Variants in IQCK observed in about 807,000 individuals in gnomAD.
IQCK encodes IQ motif containing K.
In IQCK, 29 loss-of-function variants were observed where a neutral mutation model predicts 28.1. That is an observed-to-expected ratio of 1.03 (90% CI 0.77 to 1.41). The LOEUF (loss-of-function observed/expected upper bound fraction) is 1.41, where lower values mean the gene tolerates loss of function less well. Among genes scored for constraint, IQCK ranks in the 40% most tolerant of loss-of-function variants. The pLI is 0.00. For missense variants in IQCK, 359 were observed against 314.7 expected (o/e 1.14, Z -1.07); for synonymous variants, 113 against 115.1 (o/e 0.98, Z 0.12).
At chr16:19,741,084 C>A (rs1490700096) in intron 4 of IQCK, among the ~76,000 whole-genome samples, 2 of 152,046 alleles carry the variant, frequency 1.3e-5, no homozygotes, top group African/African-American at 4.8e-5. Context: ...TGAGGCCAGA[C>A]CCCAGGGCAC....
At position 19,821,233 on chromosome 16, in the gene IQCK, C is replaced by A. The variant is rs989902661; in HGVS notation, c.691-5793C>A. Among the ~76,000 whole-genome samples, 12 of 150,720 alleles carry A rather than the reference C, an allele frequency of 8.0e-5. 1 individual carries two copies. Among genetic ancestry groups the A allele is most frequent in the Admixed American group, 2.0e-4 (3 of 15,220 alleles). ...GAAATTTAAATGTAAAATTAAAAAT[C>A]AAAAATAACACGTGTTGACAAGAAT... On this transcript the variant is annotated intron_variant, in intron 7 of 7. Transcript: ENST00000564186.
chr16:19,851,901 CTG>C, intron 9 of IQCK, among the ~76,000 whole-genome samples: 1 of 152,298 alleles, frequency 6.6e-6, no homozygotes, highest in Non-Finnish European at 1.5e-5. Flanking sequence ...AAGTACCTAC[CTG>C]TGCAAGGCTG....
intron 7 of IQCK, among the ~76,000 whole-genome samples, chr16:19,815,414 G>A (rs1403118369): frequency 6.6e-6 from 1 of 152,192 alleles, no homozygotes; most frequent in Admixed American, 6.5e-5. Context: ...ATTTTAGGAG[G>A]TGGAAGTGAG....
At chr16:19,826,980 C>T (rs75971389) in intron 7 of IQCK, 46 bp from the exon 8 acceptor site, 118,727 of 1,225,802 alleles carry the variant, frequency 0.097, 7,806 homozygotes, top group East Asian at 0.25. Context: ...AGCTAGTGTA[C>T]AGAAGTGTGT....
At chr16:19,780,821 C>T (rs1281364105) in intron 6 of IQCK, among the ~76,000 whole-genome samples, 3 of 152,170 alleles carry the variant, frequency 2.0e-5, no homozygotes, top group Non-Finnish European at 2.9e-5. Flanking sequence ...GCTATTAGCT[C>T]TTGTTATTTA....
intron 7 of IQCK, among the ~76,000 whole-genome samples, chr16:19,802,901 G>A (rs544746550): frequency 6.6e-6 from 1 of 152,282 alleles, no homozygotes; most frequent in South Asian, 2.1e-4. Context: ...TGAAGGAAGG[G>A]GTTCTTAACT....
chr16:19,853,406 G>A lies in IQCK; in HGVS notation c.803-3081G>A, dbSNP rs540470824. 5.9e-5 allele frequency among the ~76,000 whole-genome samples: 9 copies of A among 152,290 alleles called. No homozygotes were observed. The South Asian group carries it at 1.7e-3, about 28-fold the overall frequency. ...TGATGATCTAAAGAGATACTAAGGGGCTTTTTCCCAAGCAAGGTCAACACG... is the reference window on the plus strand; with the variant it reads ...TGATGATCTAAAGAGATACTAAGGGACTTTTTCCCAAGCAAGGTCAACACG... On this transcript the variant is annotated intron_variant, in intron 9 of 9. Coordinates refer to the IQCK transcript ENST00000320394.
chr16:19,779,773 A>G (rs2151725538), intron 6 of IQCK, among the ~76,000 whole-genome samples: 1 of 150,576 alleles, frequency 6.6e-6, no homozygotes, highest in South Asian at 2.1e-4. Context: ...GCTGGAGTGC[A>G]GTGGTGCGAT....
intron 7 of IQCK, among the ~76,000 whole-genome samples, chr16:19,804,280 G>A (rs1335320612): frequency 6.6e-6 from 1 of 151,824 alleles, no homozygotes; most frequent in Non-Finnish European, 1.5e-5. Context: ...GGAGACAGAG[G>A]TTGCAGTGAG....
chr16:19,742,900 G>A (rs1567539281), intron 4 of IQCK, among the ~76,000 whole-genome samples: 1 of 152,198 alleles, frequency 6.6e-6, no homozygotes, highest in African/African-American at 2.4e-5. Flanking sequence ...CAGATGCAGT[G>A]GCTCATGCCT....
intron 4 of IQCK, among the ~76,000 whole-genome samples, chr16:19,753,352 G>A (rs1308371324): frequency 6.6e-6 from 1 of 152,086 alleles, no homozygotes; most frequent in African/African-American, 2.4e-5. Flanking sequence ...CTTGAGCCTA[G>A]GAATTCAAGG....
intron 7 of IQCK, among the ~76,000 whole-genome samples, chr16:19,810,163 A>T (rs956426715): frequency 6.6e-6 from 1 of 152,122 alleles, no homozygotes; most frequent in Non-Finnish European, 1.5e-5. Flanking sequence ...AGTTTAGGCA[A>T]GTTATTCTAC....
At chr16:19,805,100 C>T (rs761668906) in intron 7 of IQCK, among the ~76,000 whole-genome samples, 14 of 152,096 alleles carry the variant, frequency 9.2e-5, no homozygotes. Flanking sequence ...CTGTCTCTGG[C>T]TTTCCTCCGG....
chr16:19,769,425 G>A lies in IQCK; in HGVS notation c.605+5313G>A, dbSNP rs1052830936. Among the ~76,000 whole-genome samples the A allele has an allele frequency of 2.6e-5, 4 of 152,212 alleles. No individual in the cohort carries two copies. In the South Asian group the frequency reaches 8.3e-4, roughly 32 times the overall value. ...CAGCTACAAATGGGATCGTGAACAA[G>A]CCCAACCTATAGTAACATGTGGCTT... is the stretch of plus-strand genomic sequence containing the variant. On this transcript the variant is annotated intron_variant, in intron 6 of 7. Coordinates refer to ENST00000564186, the Ensembl canonical transcript of IQCK.
chr16:19,762,891 C>T (rs949408288), intron 4 of IQCK, among the ~76,000 whole-genome samples: 1 of 152,088 alleles, frequency 6.6e-6, no homozygotes, highest in African/African-American at 2.4e-5. Flanking sequence ...TGGTGTGTGC[C>T]TGTAGTCTTG....
chr16:19,750,680 T>C (rs556913953), intron 4 of IQCK, among the ~76,000 whole-genome samples: 1 of 152,128 alleles, frequency 6.6e-6, no homozygotes, highest in Non-Finnish European at 1.5e-5. Context: ...CAGGCTGGTC[T>C]CGAACTCCTG....
At chr16:19,832,414 G>A (rs1333150314) in intron 9 of IQCK, among the ~76,000 whole-genome samples, 2 of 152,038 alleles carry the variant, frequency 1.3e-5, no homozygotes, top group Non-Finnish European at 2.9e-5. Context: ...GAAATGAATT[G>A]TCTACTTTTT....
intron 9 of IQCK, among the ~76,000 whole-genome samples, chr16:19,845,277 C>T (rs781594804): frequency 1.6e-4 from 24 of 152,160 alleles, no homozygotes; most frequent in Admixed American, 3.9e-4. Flanking sequence ...TAAAAATAAA[C>T]TGGAGGGTTT....
intron 9 of IQCK, among the ~76,000 whole-genome samples, chr16:19,853,835 C>T (rs1209462678): frequency 6.6e-6 from 1 of 152,202 alleles, no homozygotes; most frequent in African/African-American, 2.4e-5. Flanking sequence ...ACCATGTTGG[C>T]CAGGCTGGTC....
Sources: gnomAD v4.1 joint callset for allele counts (sites outside exome capture counted in the v4.1 genomes callset) on GRCh38, gnomAD v4.1.1 for gene constraint, MANE v1.5 for transcripts, NCBI Gene and HGNC (gene_info 2026-07-23, HGNC 2026-07-21) for gene names.